The following SLIT3 variants were observed in gnomAD, a reference collection of about 807,000 sequenced individuals.
SLIT3 encodes slit guidance ligand 3, also known as slit homolog 3 protein.
In SLIT3, 68 loss-of-function variants were observed where a neutral mutation model predicts 184.0. That is an observed-to-expected ratio of 0.37 (90% CI 0.30 to 0.45). SLIT3 has a LOEUF of 0.45. Among genes scored for constraint, SLIT3 ranks in the 20% least tolerant of loss-of-function variants. The pLI, the probability that SLIT3 is intolerant of heterozygous loss-of-function variation, is 1.00. For missense variants in SLIT3, 1,707 were observed against 2,026.0 expected, an observed-to-expected ratio of 0.84 and a Z score of 3.02; for synonymous variants, 831 against 828.6, an observed-to-expected ratio of 1.00 and a Z score of -0.05.
chr5:168,753,133 G>C (rs763248580), intron 17 of SLIT3, 35 bp from the exon 18 acceptor site: 2 of 1,610,676 alleles, frequency 1.2e-6, no homozygotes, highest in Middle Eastern at 3.3e-4. Context: ...GAGAGCACAG[G>C]CATGATCTTT....
chr5:168,762,643 G>T lies in SLIT3; in HGVS notation c.1506C>A (p.Asp502Glu). The T allele has an allele frequency of 6.2e-7, 1 of 1,614,144 alleles. No individual in the cohort carries two copies. The highest frequency in any genetic ancestry group is 1.1e-5 in the South Asian group (1 of 91,088). The change falls in exon 15 of 36, where the codon GAC becomes GAA. Residue 502 changes from aspartate (D) to glutamate (E), a missense_variant. By Grantham distance (45) the Asp-to-Glu change is conservative (BLOSUM62 2). Transcript: ENST00000519560. ...RSRFSSECFM[D>E]LVCPEKCRCE... ...AGCGACACTTCTCGGGGCACACGAGGTCCATGAAGCACTCGCTGCTGAACC... is the reference window on the plus strand; with the variant it reads ...AGCGACACTTCTCGGGGCACACGAGTTCCATGAAGCACTCGCTGCTGAACC...
At chr5:169,183,924 C>G (rs1445356189) in intron 4 of SLIT3, among the ~76,000 whole-genome samples, 1 of 152,124 alleles carries the variant, frequency 6.6e-6, no homozygotes, top group Admixed American at 6.5e-5. Context: ...TTCTTTCCTT[C>G]TTAAAAAAAA....
chr5:169,115,304 G>T (rs556096231), intron 4 of SLIT3, among the ~76,000 whole-genome samples: 10 of 152,286 alleles, frequency 6.6e-5, no homozygotes, highest in Admixed American at 6.5e-4. Context: ...CAGGGATTGG[G>T]AAACAGGTCC....
chr5:169,140,034 C>G (rs1761666281), intron 4 of SLIT3, among the ~76,000 whole-genome samples: 1 of 152,102 alleles, frequency 6.6e-6, no homozygotes, highest in Non-Finnish European at 1.5e-5. Flanking sequence ...ATGGGTCCTT[C>G]TTCCTGGTGG....
intron 15 of SLIT3, among the ~76,000 whole-genome samples, chr5:168,761,999 G>A (rs1755169941): frequency 6.9e-6 from 1 of 145,888 alleles, no homozygotes; most frequent in African/African-American, 2.6e-5. Flanking sequence ...CTGAACTCCT[G>A]GCCTCAAGTG....
chr5:169,198,389 G>A (rs1234929705), intron 3 of SLIT3, among the ~76,000 whole-genome samples: 3 of 152,198 alleles, frequency 2.0e-5, no homozygotes, highest in Non-Finnish European at 2.9e-5. Context: ...CTTCTAGACT[G>A]AGAGAGCAGT....
At position 168,710,783 on chromosome 5, in the gene SLIT3, G is replaced by C. The variant is rs994937936; in HGVS notation, c.2719+112C>G. 12 of 910,970 alleles carry C rather than the reference G, an allele frequency of 1.3e-5. No individual in the cohort carries two copies. In the Admixed American group the frequency reaches 1.6e-4, roughly 12 times the overall value. The allele number at this position is 910,970 out of a possible 1,614,324, so 56.4% of individuals were successfully genotyped here. A position where few individuals can be genotyped will look rare whatever the true frequency, so the allele number is the denominator to read the frequency against. Reference sequence around the variant, plus strand: ...CTTTGTGGGACCCATGGAAGAGACAGGGTGAAGGTTTCTGAAGCCACATCT... The same window carrying C: ...CTTTGTGGGACCCATGGAAGAGACACGGTGAAGGTTTCTGAAGCCACATCT... On this transcript the variant is annotated intron_variant, in intron 25 of 35. Transcript: ENST00000519560.
intron 35 of SLIT3, 173 bp from the exon 36 acceptor site, chr5:168,666,862 G>T (rs1761071656): frequency 4.8e-6 from 5 of 1,052,146 alleles, no homozygotes; most frequent in Non-Finnish European, 7.1e-6. Context: ...ACAAACAGGT[G>T]CCTTTCCTGT....
intron 12 of SLIT3, among the ~76,000 whole-genome samples, chr5:168,781,122 C>T (rs772489106): frequency 6.6e-6 from 1 of 152,182 alleles, no homozygotes; most frequent in African/African-American, 2.4e-5. Context: ...TGCAGCAACA[C>T]CATTGGGCGG....
chr5:169,193,748 A>G (rs978618980), intron 3 of SLIT3, among the ~76,000 whole-genome samples, 198 bp from the exon 4 acceptor site: 3 of 152,204 alleles, frequency 2.0e-5, no homozygotes, highest in African/African-American at 7.2e-5. Flanking sequence ...AATGCAAAGC[A>G]AAGGTCAGTC....
chr5:168,698,179 G>A (rs1406929866), intron 27 of SLIT3, among the ~76,000 whole-genome samples: 1 of 152,160 alleles, frequency 6.6e-6, no homozygotes, highest in African/African-American at 2.4e-5. Flanking sequence ...TGAAGAGGCT[G>A]GTGATGCTGA....
At chr5:169,151,944 A>G (rs1347711988) in intron 4 of SLIT3, among the ~76,000 whole-genome samples, 1 of 152,252 alleles carries the variant, frequency 6.6e-6, no homozygotes, top group African/African-American at 2.4e-5. Context: ...GAGGATGATC[A>G]GAGCACCTGT....
At chr5:169,274,173 G>GT (rs1157261126) in intron 1 of SLIT3, among the ~76,000 whole-genome samples, 1 of 152,180 alleles carries the variant, frequency 6.6e-6, no homozygotes, top group Non-Finnish European at 1.5e-5. Context: ...ATCAATTTGT[G>GT]TTTTAACAAG....
chr5:169,092,127 G>T (rs980950818), intron 4 of SLIT3, among the ~76,000 whole-genome samples: 1 of 152,218 alleles, frequency 6.6e-6, no homozygotes, highest in African/African-American at 2.4e-5. Context: ...GGAGGCTGAG[G>T]CAGGAGAATC....
chr5:168,901,237 G>A (rs1195618641), intron 4 of SLIT3, among the ~76,000 whole-genome samples: 15 of 152,114 alleles, frequency 9.9e-5, no homozygotes, highest in African/African-American at 3.6e-4. Context: ...GGCGGCGGGC[G>A]CCTGTAGTCC....
intron 3 of SLIT3, among the ~76,000 whole-genome samples, chr5:169,199,335 C>A (rs1037802768): frequency 6.6e-6 from 1 of 151,818 alleles, no homozygotes. Flanking sequence ...ACAGGATGTA[C>A]GTGAGGATTC....
At chr5:169,283,637 A>G (rs1322008247) in intron 1 of SLIT3, among the ~76,000 whole-genome samples, 2 of 152,202 alleles carry the variant, frequency 1.3e-5, no homozygotes, top group Admixed American at 6.5e-5. Flanking sequence ...GTCTACTACA[A>G]TGGAGGGGAC....
chr5:169,145,382 A>G (rs766041161), intron 4 of SLIT3, among the ~76,000 whole-genome samples: 17 of 152,190 alleles, frequency 1.1e-4, no homozygotes, highest in Non-Finnish European at 2.5e-4. Flanking sequence ...TCCCAGGTCA[A>G]TGTTGCTTCT....
intron 20 of SLIT3, among the ~76,000 whole-genome samples, chr5:168,734,793 C>T (rs113395141): frequency 7.9e-5 from 12 of 152,266 alleles, no homozygotes; most frequent in African/African-American, 1.2e-4. Context: ...ACAGCATTCT[C>T]GCACTCTGCC....
Sources: gnomAD v4.1 joint callset for allele counts (sites outside exome capture counted in the v4.1 genomes callset) on GRCh38, gnomAD v4.1.1 for gene constraint, MANE v1.5 for transcripts, NCBI Gene and HGNC (gene_info 2026-07-23, HGNC 2026-07-21) for gene names.